Variants in NPLOC4 observed in about 807,000 individuals in gnomAD.
NPLOC4 encodes the protein nuclear protein localization protein 4 homolog.
In NPLOC4, 18 loss-of-function variants were observed where a neutral mutation model predicts 80.6. The observed-to-expected ratio is 0.22, with a 90% CI of 0.15 to 0.33. The LOEUF is 0.33. Among genes scored for constraint, NPLOC4 ranks in the 10% least tolerant of loss-of-function variants. NPLOC4 has a pLI of 1.00. For synonymous variants in NPLOC4, 313 were observed against 301.5 expected, an observed-to-expected ratio of 1.04 and a Z score of -0.39; for missense variants, 540 against 786.1, an observed-to-expected ratio of 0.69 and a Z score of 3.74.
At chr17:81,582,979 C>T (rs373049843) in intron 12 of NPLOC4, among the ~76,000 whole-genome samples, 3 of 152,396 alleles carry the variant, frequency 2.0e-5, no homozygotes, top group African/African-American at 4.8e-5. Context: ...CTCCTCCCTG[C>T]GGCGCCGCCC....
chr17:81,636,059 A>T (rs1262262412), intron 1 of NPLOC4, among the ~76,000 whole-genome samples: 2 of 148,412 alleles, frequency 1.3e-5, no homozygotes, highest in African/African-American at 5.0e-5. Flanking sequence ...TGTAACCTCC[A>T]CCTCCCGCGT....
intron 3 of NPLOC4, among the ~76,000 whole-genome samples, chr17:81,617,443 G>A (rs940757759): frequency 2.0e-5 from 3 of 152,126 alleles, no homozygotes; most frequent in Non-Finnish European, 4.4e-5. Flanking sequence ...GGAGGCTGAG[G>A]CCAGCAGATC....
chr17:81,623,625 C>T (rs1447213410), intron 2 of NPLOC4, among the ~76,000 whole-genome samples: 9 of 151,638 alleles, frequency 5.9e-5, no homozygotes, highest in African/African-American at 9.7e-5. Context: ...GGTGAAACCC[C>T]GTCTCTACTA....
At chr17:81,629,939 T>C (rs2144332059) in intron 1 of NPLOC4, 134 bp from the exon 2 acceptor site, 1 of 655,798 alleles carries the variant, frequency 1.5e-6, no homozygotes. Flanking sequence ...CACCTTTCAA[T>C]ACCCAGCTCA....
intron 11 of NPLOC4, among the ~76,000 whole-genome samples, chr17:81,591,466 A>AACAAACAAACAAACAAACAAAAAAAAAAC (rs2034741552): frequency 4.9e-5 from 7 of 142,484 alleles, no homozygotes; most frequent in African/African-American, 1.6e-4. Context: ...AAAAAAAAAA[A>AACAAACAAACAAACAAACAAAAAAAAAAC]AAAAAACCTG....
intron 4 of NPLOC4, among the ~76,000 whole-genome samples, chr17:81,612,081 C>T (rs2035356718): frequency 6.6e-6 from 1 of 152,098 alleles, no homozygotes; most frequent in South Asian, 2.1e-4. Flanking sequence ...ACTTCATATG[C>T]ATTTTGGGAA....
At chr17:81,602,984 C>CAAAT (rs1568146471) in intron 8 of NPLOC4, among the ~76,000 whole-genome samples, 16 of 58,504 alleles carry the variant, frequency 2.7e-4, no homozygotes, top group African/African-American at 9.0e-4. Context: ...CACAAATACA[C>CAAAT]ACACACACAC....
rs1288430074 is a variant in NPLOC4, at chr17:81,558,162, A to G, written c.*1097T>C. The G allele has an allele frequency of 6.6e-6, 1 of 152,434 alleles. No homozygotes were observed. The highest frequency in any genetic ancestry group is 1.5e-5 in the Non-Finnish European group (1 of 68,198). 9.4% of individuals were successfully genotyped at this position (152,434 alleles called of 1,614,324 possible). On this transcript the variant is annotated 3_prime_UTR_variant, in exon 17 of 17. Coordinates refer to ENST00000331134, the MANE Select transcript of NPLOC4 (RefSeq NM_017921.4). ...AGGACCCCACCACGTGCTGTTCCAG[A>G]TCGCCCAGTCTCCCTCTATTGGTAC...
rs2033747396 is a variant in NPLOC4, at chr17:81,558,947, CAGGTGCCACGT to C, written c.*301_*311del. ...GGCCCCTCCCTGTGCGCCCCAATTC[CAGGTGCCACGT>C]AGAGGCGAGAGGTCTTTCCAACACG... On this transcript the variant is annotated 3_prime_UTR_variant, in exon 17 of 17. Transcript: ENST00000331134. 1 of 258,834 alleles carries C rather than the reference CAGGTGCCACGT, an allele frequency of 3.9e-6. No individual in the cohort carries two copies. The highest frequency in any genetic ancestry group is 7.3e-6 in the Non-Finnish European group (1 of 136,684). 16.0% of individuals were successfully genotyped at this position (258,834 alleles called of 1,614,324 possible).
In NPLOC4 at chr17:81,622,231, G is replaced by T. The variant is rs1164477762; in HGVS notation, c.144C>A (p.Ile48=). ...TTATCTCTCCGGTCTTGTTTCTATT[G>T]ATGTAAACCGAGAAGCCATTATTTT... is the stretch of plus-strand genomic sequence containing the variant. ...GFQNNGFSVY[I]NRNKTGEITA... is the part of the protein sequence containing the mutation. Residue 48 remains isoleucine, a synonymous_variant, in exon 3 of 17, where the codon ATC becomes ATA. Transcript: ENST00000331134. 4 of 1,613,696 alleles carry T rather than the reference G, an allele frequency of 2.5e-6. No homozygotes were observed. The African/African-American group carries it at 5.3e-5, about 22-fold the overall frequency.
intron 13 of NPLOC4, among the ~76,000 whole-genome samples, chr17:81,571,248 C>T (rs1312472317): frequency 1.3e-5 from 2 of 152,174 alleles, no homozygotes; most frequent in African/African-American, 4.8e-5. Context: ...CCTGGCGTGG[C>T]AGCAGCATAG....
chr17:81,575,655 G>A (rs1360260426), intron 12 of NPLOC4, among the ~76,000 whole-genome samples: 3 of 152,136 alleles, frequency 2.0e-5, no homozygotes, highest in East Asian at 1.9e-4. Context: ...CCCACACTAC[G>A]TGCGCAGGCT....
chr17:81,594,980 C>T (rs1368733558), intron 11 of NPLOC4, among the ~76,000 whole-genome samples: 2 of 151,934 alleles, frequency 1.3e-5, no homozygotes, highest in Non-Finnish European at 2.9e-5. Flanking sequence ...CACAAAAACC[C>T]GGCAAACTCA....
chr17:81,620,824 G>C (rs1305012112), intron 3 of NPLOC4, among the ~76,000 whole-genome samples: 1 of 152,046 alleles, frequency 6.6e-6, no homozygotes, highest in Non-Finnish European at 1.5e-5. Flanking sequence ...TTTAGATAAT[G>C]GTTACGTGTT....
At chr17:81,587,691 T>TTTTTTTTTTTTG (rs2034623397) in intron 12 of NPLOC4, among the ~76,000 whole-genome samples, 1 of 147,252 alleles carries the variant, frequency 6.8e-6, no homozygotes, top group African/African-American at 2.5e-5. Context: ...TTTTTTTTTT[T>TTTTTTTTTTTTG]GAGACAGAGT....
At chr17:81,594,364 C>T (rs535975605) in intron 11 of NPLOC4, among the ~76,000 whole-genome samples, 48 of 145,370 alleles carry the variant, frequency 3.3e-4, no homozygotes, top group Non-Finnish European at 6.0e-4. Flanking sequence ...ACATAATTAA[C>T]GTGTGAAAGA....
At chr17:81,626,805 T>C (rs894882571) in intron 2 of NPLOC4, among the ~76,000 whole-genome samples, 1 of 152,032 alleles carries the variant, frequency 6.6e-6, no homozygotes, top group Non-Finnish European at 1.5e-5. Flanking sequence ...AATTTTAAAA[T>C]GGACTGGGTG....
intron 14 of NPLOC4, among the ~76,000 whole-genome samples, chr17:81,568,430 G>A (rs1274769380): frequency 6.6e-6 from 1 of 152,234 alleles, no homozygotes; most frequent in Non-Finnish European, 1.5e-5. Context: ...GTCAGCCACT[G>A]AAGAAAACCT....
chr17:81,585,195 A>AAC (rs1199896684), intron 12 of NPLOC4, among the ~76,000 whole-genome samples: 1 of 149,296 alleles, frequency 6.7e-6, no homozygotes, highest in Non-Finnish European at 1.5e-5. Flanking sequence ...AAAAAAAAAA[A>AAC]GAGTATGGTA....
Sources: allele counts gnomAD v4.1 joint callset (sites outside exome capture counted in the v4.1 genomes callset), GRCh38; gene constraint gnomAD v4.1.1; transcripts MANE v1.5; gene names NCBI Gene and HGNC (gene_info 2026-07-23, HGNC 2026-07-21).